PRKG2: variants seen among roughly 807,000 people sequenced by gnomAD.
PRKG2 encodes protein kinase cGMP-dependent 2.
PRKG2 carries 33 observed loss-of-function variants against 97.2 expected under a neutral mutation model. The ratio of observed to expected loss-of-function variants is 0.34; its 90% CI spans 0.26 to 0.45. The LOEUF (loss-of-function observed/expected upper bound fraction) is 0.45, where lower values mean the gene tolerates loss of function less well. PRKG2 is among the 20% of genes least tolerant of loss of function. The probability of loss-of-function intolerance (pLI) is 1.00; values close to 1 mark genes in which losing one functional copy is unlikely to be tolerated. For synonymous variants in PRKG2, 330 were observed against 321.8 expected (o/e 1.03, Z -0.27); for missense variants, 638 against 900.0 (o/e 0.71, Z 3.73).
chr4:81,090,540 A>G (rs909467529), intron 18 of PRKG2, among the ~76,000 whole-genome samples: 2 of 152,246 alleles, frequency 1.3e-5, no homozygotes, highest in Admixed American at 6.5e-5. Context: ...AATTCAAAAT[A>G]TTAGTGACCC....
intron 14 of PRKG2, among the ~76,000 whole-genome samples, chr4:81,111,315 C>G (rs1213158998): frequency 6.6e-6 from 1 of 152,128 alleles, no homozygotes; most frequent in African/African-American, 2.4e-5. Flanking sequence ...AGCACCCAGT[C>G]AAGGTCAGGC....
At chr4:81,103,083 C>A (rs1260560205) in intron 17 of PRKG2, among the ~76,000 whole-genome samples, 1 of 152,144 alleles carries the variant, frequency 6.6e-6, no homozygotes, top group Admixed American at 6.6e-5. Flanking sequence ...CAGTAGTTAT[C>A]CAAGCACTGA....
intron 1 of PRKG2, among the ~76,000 whole-genome samples, chr4:81,205,499 C>T (rs1753598938): frequency 6.6e-6 from 1 of 152,206 alleles, no homozygotes; most frequent in Non-Finnish European, 1.5e-5. Context: ...CATGCGGCAA[C>T]AGTAAGAAAC....
chr4:81,140,761 T>G, intron 11 of PRKG2, 92 bp from the exon 12 acceptor site: 12 of 1,168,042 alleles, frequency 1.0e-5, no homozygotes, highest in Non-Finnish European at 1.5e-5. Flanking sequence ...CATGTTTAAT[T>G]AGTATGGAAG....
intron 2 of PRKG2, among the ~76,000 whole-genome samples, chr4:81,185,826 G>C (rs1751833077): frequency 6.6e-6 from 1 of 152,148 alleles, no homozygotes; most frequent in Non-Finnish European, 1.5e-5. Context: ...TGCAATCATA[G>C]TCTCTGATAA....
Position 81,204,928 on chromosome 4 carries a change from C to T in PRKG2, c.120G>A (p.Lys40=). ...ACTCCCGCTCCTGGATCTCAGCATC[C>T]TTCCTCCTCAACTCTCTCTCCAGCT... ...VTELERELRR[K]DAEIQEREYH... The change falls in exon 2 of 19, where the codon AAG becomes AAA. Residue 40 remains lysine, a synonymous_variant. Coordinates refer to ENST00000264399, the MANE Select transcript of PRKG2 (RefSeq NM_006259.3). 3.7e-6 allele frequency: 6 copies of T among 1,614,186 alleles called. No individual in the cohort carries two copies. Among genetic ancestry groups the T allele is most frequent in the Non-Finnish European group, 5.1e-6 (6 of 1,180,028 alleles).
intron 2 of PRKG2, among the ~76,000 whole-genome samples, chr4:81,189,429 C>A (rs1460909449): frequency 1.5e-5 from 2 of 135,964 alleles, no homozygotes; most frequent in African/African-American, 7.2e-5. Context: ...TACTATGCAG[C>A]CATAAAAAAT....
intron 17 of PRKG2, among the ~76,000 whole-genome samples, chr4:81,097,388 T>A (rs530901560): frequency 6.6e-6 from 1 of 152,276 alleles, no homozygotes; most frequent in Admixed American, 6.5e-5. Context: ...AGATATGGTG[T>A]CATTCAGGCT....
intron 1 of PRKG2, among the ~76,000 whole-genome samples, chr4:81,210,013 C>A (rs114738458): frequency 0.022 from 3,337 of 152,054 alleles, 115 homozygotes; most frequent in African/African-American, 0.076. Context: ...TGTACCGGAA[C>A]AACTAGGCAT....
chr4:81,196,309 A>G (rs958232282), intron 2 of PRKG2, among the ~76,000 whole-genome samples: 3 of 152,232 alleles, frequency 2.0e-5, no homozygotes, highest in African/African-American at 7.2e-5. Flanking sequence ...CTGACGTCAG[A>G]GAAGATGACT....
At chr4:81,182,116 T>C (rs768368363) in intron 2 of PRKG2, among the ~76,000 whole-genome samples, 3 of 151,854 alleles carry the variant, frequency 2.0e-5, no homozygotes, top group Admixed American at 6.6e-5. Flanking sequence ...ATTCATTTTA[T>C]AGTGCCAGAA....
At chr4:81,208,518 C>T (rs775684685) in intron 1 of PRKG2, among the ~76,000 whole-genome samples, 9 of 152,116 alleles carry the variant, frequency 5.9e-5, no homozygotes, top group Non-Finnish European at 1.3e-4. Context: ...AACTCCTGGG[C>T]TCAAGTGACC....
intron 14 of PRKG2, among the ~76,000 whole-genome samples, chr4:81,123,355 C>T (rs1745243333): frequency 6.6e-6 from 1 of 152,114 alleles, no homozygotes; most frequent in Non-Finnish European, 1.5e-5. Flanking sequence ...TTTGTGCATC[C>T]TCATATTTTA....
chr4:81,168,895 T>C (rs1390896617), intron 5 of PRKG2, among the ~76,000 whole-genome samples: 1 of 151,888 alleles, frequency 6.6e-6, no homozygotes, highest in Non-Finnish European at 1.5e-5. Context: ...ATGTGATATA[T>C]TATTATTAAT....
intron 2 of PRKG2, among the ~76,000 whole-genome samples, chr4:81,188,366 G>A (rs949574903): frequency 6.7e-5 from 10 of 148,548 alleles, no homozygotes; most frequent in African/African-American, 2.6e-4. Flanking sequence ...TAAAAAGTCA[G>A]GAAACAACAG....
chr4:81,092,333 CA>C, intron 18 of PRKG2, 52 bp downstream of exon 18: 1 of 1,292,232 alleles, frequency 7.7e-7, no homozygotes, highest in Admixed American at 2.3e-5. Context: ...AATCTGTGTA[CA>C]AAAACAAATC....
intron 1 of PRKG2, among the ~76,000 whole-genome samples, chr4:81,212,340 T>C (rs1432318424): frequency 1.6e-5 from 2 of 126,142 alleles, no homozygotes; most frequent in Non-Finnish European, 1.6e-5. Context: ...GCCACTATCC[T>C]ATATTTGACT....
Position 81,165,904 on chromosome 4 carries a change from T to C in PRKG2, c.912+1257A>G, listed in dbSNP as rs540396703. Among the ~76,000 whole-genome samples the C allele has an allele frequency of 2.0e-5, 3 of 152,152 alleles. No homozygotes were observed. The East Asian group carries it at 5.8e-4, about 29-fold the overall frequency. On this transcript the variant is annotated intron_variant, in intron 6 of 18. Transcript: ENST00000264399. The stretch of plus-strand genomic sequence containing the variant: ...GTGAATCTACTCTATTAGTATTATA[T>C]TAAAAACAGATTTCCTTGGTTAACA...
chr4:81,171,868 T>TTTTA (rs1750510694), intron 3 of PRKG2, 64 bp from the exon 4 acceptor site: 1 of 1,126,220 alleles, frequency 8.9e-7, no homozygotes, highest in Admixed American at 2.4e-5. Context: ...ATACTATAAA[T>TTTTA]TAGTAAAATA....
Sources: gnomAD v4.1 joint callset for allele counts (sites outside exome capture counted in the v4.1 genomes callset) on GRCh38, gnomAD v4.1.1 for gene constraint, MANE v1.5 for transcripts, NCBI Gene and HGNC (gene_info 2026-07-23, HGNC 2026-07-21) for gene names.